BBOX1: variants seen among roughly 807,000 people sequenced by gnomAD.
The protein encoded by BBOX1 is gamma-butyrobetaine dioxygenase.
Under a neutral mutation model 41.6 loss-of-function variants are expected in BBOX1, and 35 were observed. The observed-to-expected ratio is 0.84, with a 90% CI of 0.64 to 1.11. The LOEUF (loss-of-function observed/expected upper bound fraction) is 1.11, where lower values mean the gene tolerates loss of function less well. Ranked by LOEUF, BBOX1 falls within the 50% of genes most tolerant of loss-of-function variation. BBOX1 has a pLI of 0.00. For missense variants in BBOX1, 458 were observed against 460.6 expected, an observed-to-expected ratio of 0.99 and a Z score of 0.05; for synonymous variants, 163 against 154.7, an observed-to-expected ratio of 1.05 and a Z score of -0.40.
chr11:27,091,391 G>A (rs1858236888), intron 4 of BBOX1, among the ~76,000 whole-genome samples: 1 of 151,852 alleles, frequency 6.6e-6, no homozygotes, highest in Non-Finnish European at 1.5e-5. Flanking sequence ...ACCAACAAAT[G>A]ACTATTGATT....
chr11:27,050,872 G>A (rs188729979), intron 2 of BBOX1, among the ~76,000 whole-genome samples: 1 of 152,132 alleles, frequency 6.6e-6, no homozygotes, highest in African/African-American at 2.4e-5. Flanking sequence ...CCAGTACTAT[G>A]TTATTAGAAG....
At chr11:27,045,813 G>A (rs975368363) in intron 2 of BBOX1, among the ~76,000 whole-genome samples, 1 of 152,068 alleles carries the variant, frequency 6.6e-6, no homozygotes, top group Non-Finnish European at 1.5e-5. Context: ...AGATAAATCA[G>A]CCTTCTCAGG....
chr11:27,126,162 A>C (rs1859643740), intron 8 of BBOX1, among the ~76,000 whole-genome samples: 1 of 152,230 alleles, frequency 6.6e-6, no homozygotes, highest in South Asian at 2.1e-4. Flanking sequence ...AAAAGCAGAA[A>C]GCATTATATT....
intron 4 of BBOX1, among the ~76,000 whole-genome samples, chr11:27,092,527 C>G (rs1858284017): frequency 6.6e-6 from 1 of 151,886 alleles, no homozygotes; most frequent in Non-Finnish European, 1.5e-5. Flanking sequence ...AGCATTTAAT[C>G]ATGAAGAATG....
At chr11:27,109,502 T>C (rs899008341) in intron 5 of BBOX1, among the ~76,000 whole-genome samples, 12 of 151,954 alleles carry the variant, frequency 7.9e-5, no homozygotes, top group African/African-American at 9.7e-5. Flanking sequence ...AGTTGGAACC[T>C]GAGCTAGATT....
chr11:27,085,278 T>C (rs925309466), intron 4 of BBOX1, among the ~76,000 whole-genome samples: 1 of 152,206 alleles, frequency 6.6e-6, no homozygotes, highest in Non-Finnish European at 1.5e-5. Flanking sequence ...CTGCATTTTT[T>C]ACAAATTGAA....
intron 5 of BBOX1, among the ~76,000 whole-genome samples, chr11:27,098,841 T>C (rs192738124): frequency 3.4e-4 from 51 of 150,516 alleles, no homozygotes; most frequent in Admixed American, 3.2e-3. Flanking sequence ...AACTATATTT[T>C]ATATTATTAA....
At chr11:27,053,495 A>G (rs1320099497) in intron 2 of BBOX1, among the ~76,000 whole-genome samples, 2 of 152,256 alleles carry the variant, frequency 1.3e-5, no homozygotes, top group Non-Finnish European at 2.9e-5. Context: ...CCTAAAAGAT[A>G]TGCCGTCCGG....
intron 5 of BBOX1, among the ~76,000 whole-genome samples, chr11:27,094,905 A>C (rs557903788): frequency 6.6e-6 from 1 of 152,006 alleles, no homozygotes; most frequent in Non-Finnish European, 1.5e-5. Context: ...CAGACAAAGG[A>C]AAGAGGGGGA....
chr11:27,087,964 G>A (rs1353296107), intron 4 of BBOX1, among the ~76,000 whole-genome samples: 2 of 152,022 alleles, frequency 1.3e-5, no homozygotes, highest in African/African-American at 2.4e-5. Flanking sequence ...ATTGACAGCT[G>A]TGCATTATCC....
chr11:27,115,108 G>A (rs1319220901), intron 5 of BBOX1, among the ~76,000 whole-genome samples: 1 of 151,884 alleles, frequency 6.6e-6, no homozygotes, highest in Non-Finnish European at 1.5e-5. Context: ...ACTTTAAAGT[G>A]ATTCATTTTC....
At chr11:27,098,509 T>C (rs559164459) in intron 5 of BBOX1, among the ~76,000 whole-genome samples, 7 of 152,240 alleles carry the variant, frequency 4.6e-5, no homozygotes, top group African/African-American at 1.7e-4. Flanking sequence ...ATGCATTATA[T>C]TAATAAAACA....
intron 2 of BBOX1, among the ~76,000 whole-genome samples, chr11:27,049,571 CTTGTT>C (rs937730146): frequency 6.6e-6 from 1 of 151,672 alleles, no homozygotes; most frequent in Non-Finnish European, 1.5e-5. Context: ...AATTGAGTAG[CTTGTT>C]TTATTTCTGT....
rs1336975545 is a variant in BBOX1 at position 27,127,444 on chromosome 11, T to C, written c.1155T>C (p.Asn385=). ...RLRILRQRVE[N]GN ...GTATCTTAAGGCAGAGGGTGGAGAA[T>C]GGAAACTGAAGTCACCTGTAGATAA... The change falls in exon 9 of 9, where the codon AAT becomes AAC. Residue 385 remains asparagine, a synonymous_variant. Coordinates refer to ENST00000263182, the MANE Select transcript of BBOX1 (RefSeq NM_003986.3). 6.2e-7 allele frequency: 1 copy of C among 1,605,230 alleles called. No homozygotes were observed. The highest frequency in any genetic ancestry group is 1.3e-5 in the African/African-American group (1 of 74,380).
chr11:27,067,407 T>C (rs1189677362), intron 4 of BBOX1, among the ~76,000 whole-genome samples: 1 of 151,900 alleles, frequency 6.6e-6, no homozygotes, highest in Non-Finnish European at 1.5e-5. Context: ...CAAAGTCCAT[T>C]ATACCACCAC....
At chr11:27,081,587 G>T (rs1250027889) in intron 4 of BBOX1, among the ~76,000 whole-genome samples, 1 of 152,086 alleles carries the variant, frequency 6.6e-6, no homozygotes, top group African/African-American at 2.4e-5. Context: ...GGGATTGCTG[G>T]ATCAAATGGT....
rs576932161 is a variant in BBOX1 at position 27,063,457 on chromosome 11, C to G, written c.334+6142C>G. 5.9e-5 allele frequency among the ~76,000 whole-genome samples: 9 copies of G among 152,008 alleles called. No individual in the cohort carries two copies. The South Asian group carries it at 1.9e-3, about 32-fold the overall frequency. On this transcript the variant is annotated intron_variant, in intron 4 of 8. Transcript: ENST00000263182. The stretch of plus-strand genomic sequence containing the variant: ...TAAATATTTGTTCTTTTTATTAATC[C>G]TCAATATCAGAATGATAGATGCTTG...
intron 2 of BBOX1, among the ~76,000 whole-genome samples, chr11:27,042,830 G>A (rs908361849): frequency 6.6e-5 from 10 of 152,088 alleles, no homozygotes; most frequent in Non-Finnish European, 1.0e-4. Context: ...CTCAAATGAT[G>A]TCAAACTGCA....
intron 5 of BBOX1, among the ~76,000 whole-genome samples, chr11:27,114,202 A>C (rs983835276): frequency 6.6e-6 from 1 of 151,880 alleles, no homozygotes; most frequent in African/African-American, 2.4e-5. Context: ...ACAGGGGTAA[A>C]AGACTTTTAT....
Sources: gnomAD v4.1 joint callset for allele counts (sites outside exome capture counted in the v4.1 genomes callset) on GRCh38, gnomAD v4.1.1 for gene constraint, MANE v1.5 for transcripts, NCBI Gene and HGNC (gene_info 2026-07-23, HGNC 2026-07-21) for gene names.